RHBDD1: variants seen among roughly 807,000 people sequenced by gnomAD.
RHBDD1 encodes rhomboid domain containing 1, also known as rhomboid-related protein 4.
Under a neutral mutation model 36.3 loss-of-function variants are expected in RHBDD1, and 38 were observed. That is an observed-to-expected ratio of 1.05 (90% CI 0.81 to 1.37). RHBDD1 has a LOEUF of 1.37. RHBDD1 is among the 40% of genes most tolerant of loss of function. The pLI is 0.00. For missense variants in RHBDD1, 393 were observed against 377.6 expected (o/e 1.04, Z -0.34); for synonymous variants, 151 against 136.5 (o/e 1.11, Z -0.74).
chr2:226,814,767 T>C, the RHBDD1 span, among the ~76,000 whole-genome samples: 1 of 152,152 alleles, frequency 6.6e-6, no homozygotes. Context: ...TAGTGAGACA[T>C]CTAATCACTC....
chr2:226,844,675 C>T (rs1013068513), intron 3 of RHBDD1, among the ~76,000 whole-genome samples: 10 of 152,150 alleles, frequency 6.6e-5, no homozygotes, highest in African/African-American at 2.2e-4. Flanking sequence ...GATCATGGGA[C>T]GCTGGCATTG....
intron 8 of RHBDD1, among the ~76,000 whole-genome samples, chr2:226,976,836 C>G (rs1001412405): frequency 3.9e-5 from 6 of 152,192 alleles, no homozygotes; most frequent in African/African-American, 1.4e-4. Flanking sequence ...TCAGTGACCA[C>G]AATACTGCTC....
chr2:226,990,487 A>T (rs1346661288), intron 8 of RHBDD1, among the ~76,000 whole-genome samples: 1 of 152,200 alleles, frequency 6.6e-6, no homozygotes, highest in Admixed American at 6.5e-5. Flanking sequence ...ACTGCATGGC[A>T]TAGTGCGTTC....
rs1224269378 is a variant in RHBDD1 at position 226,874,731 on chromosome 2, A to G, written c.566+7413A>G. Among the ~76,000 whole-genome samples, 3 of 152,188 alleles carry G rather than the reference A, an allele frequency of 2.0e-5. No individual in the cohort carries two copies. In the East Asian group the frequency reaches 5.8e-4, roughly 29 times the overall value. On this transcript the variant is annotated intron_variant, in intron 5 of 8. Coordinates refer to ENST00000392062, the MANE Select transcript of RHBDD1 (RefSeq NM_001167608.3). ...TAATCACACTTGCTAAATCCTTGCC[A>G]TATATGGTTACATTCATCAGTTCCA...
intron 8 of RHBDD1, among the ~76,000 whole-genome samples, chr2:226,979,089 G>A (rs1367975186): frequency 1.3e-5 from 2 of 152,134 alleles, no homozygotes; most frequent in African/African-American, 2.4e-5. Context: ...AGCTATTCGT[G>A]TGGCTCATTC....
At chr2:226,896,522 C>T (rs1294761075) in intron 5 of RHBDD1, among the ~76,000 whole-genome samples, 1 of 152,164 alleles carries the variant, frequency 6.6e-6, no homozygotes, top group Admixed American at 6.5e-5. Context: ...TCCTTCCAAG[C>T]TGCCATCATC....
chr2:226,956,454 A>G lies in RHBDD1; in HGVS notation c.857-38977A>G, dbSNP rs75844525. Among the ~76,000 whole-genome samples, 1,190 of 152,200 alleles carry G rather than the reference A, an allele frequency of 7.8e-3. 8 individuals are homozygous for G. Among genetic ancestry groups the G allele is most frequent in the East Asian group, 0.018 (95 of 5,164 alleles). On this transcript the variant is annotated intron_variant, in intron 8 of 8. Transcript: ENST00000392062. ...TGCAAGCCTGGTGTTATCAGGTGTT[A>G]CCTATCATCACCAGTCCCCAAGTTC... is the stretch of plus-strand genomic sequence containing the variant.
At chr2:226,983,963 G>A (rs1464674855) in intron 8 of RHBDD1, among the ~76,000 whole-genome samples, 3 of 152,222 alleles carry the variant, frequency 2.0e-5, no homozygotes, top group Admixed American at 2.0e-4. Flanking sequence ...CTTGTTATTT[G>A]TGAATGGAGG....
chr2:226,909,513 G>A (rs941470119), intron 7 of RHBDD1, among the ~76,000 whole-genome samples: 1 of 152,126 alleles, frequency 6.6e-6, no homozygotes, highest in African/African-American at 2.4e-5. Context: ...TTAATGCAGT[G>A]AACTGAATGT....
At chr2:226,819,975 GTGTT>G in the RHBDD1 span, among the ~76,000 whole-genome samples, 3 of 81,936 alleles carry the variant, frequency 3.7e-5, no homozygotes, top group Admixed American at 1.6e-4. Flanking sequence ...CATATTGTGT[GTGTT>G]TTTTTTTTTT....
rs190867518 is a variant in RHBDD1 at position 226,905,037 on chromosome 2, A to G, written c.567-1756A>G. On this transcript the variant is annotated intron_variant, in intron 5 of 8. Transcript: ENST00000392062. Reference sequence around the variant, plus strand: ...TCCTGGGTGTTTGGAATACATATGTAAAAGCCACATAAAGGCTATGTTCTT... The same window carrying G: ...TCCTGGGTGTTTGGAATACATATGTGAAAGCCACATAAAGGCTATGTTCTT... Among the ~76,000 whole-genome samples the G allele has an allele frequency of 7.4e-4, 112 of 152,240 alleles. 1 individual carries two copies. The highest frequency in any genetic ancestry group is 2.5e-3 in the African/African-American group (104 of 41,548).
intron 8 of RHBDD1, among the ~76,000 whole-genome samples, chr2:226,930,345 A>G (rs544695607): frequency 1.1e-4 from 16 of 152,284 alleles, no homozygotes; most frequent in Admixed American, 3.9e-4. Context: ...GAACCCAGAA[A>G]TAAAGCCAAA....
At position 226,865,019 on chromosome 2, in the gene RHBDD1, C is replaced by T; in HGVS notation, c.326C>T (p.Thr109Ile). The T allele has an allele frequency of 6.2e-7, 1 of 1,614,198 alleles. No individual in the cohort carries two copies. Among genetic ancestry groups the T allele is most frequent in the Admixed American group, 1.7e-5 (1 of 60,032 alleles). Residue 109 changes from threonine (T) to isoleucine (I), a missense_variant, in exon 4 of 9, where the codon ACC (threonine) becomes ATC (isoleucine). Physicochemically the swap from Thr to Ile is moderately conservative, Grantham distance 89. Transcript: ENST00000392062. ...AGTAGATGGTTTGCCTATGTTATCA[C>T]CGCATTTTCTGTACTTACTGGAGTG... ...LGSRWFAYVI[T>I]AFSVLTGVVY...
Position 226,861,427 on chromosome 2 carries a change from A to G in RHBDD1, c.-90-3177A>G, listed in dbSNP as rs560846532. On this transcript the variant is annotated intron_variant, in intron 3 of 8. Coordinates refer to ENST00000392062, the MANE Select transcript of RHBDD1 (RefSeq NM_001167608.3). ...GCCAGAAGTAACTCAGGAAAGTGCA[A>G]TCAGAGCCTGGGACACAGTGTGAAG... 5.3e-5 allele frequency among the ~76,000 whole-genome samples: 8 copies of G among 152,298 alleles called. No homozygotes were observed. The East Asian group carries it at 1.2e-3, about 22-fold the overall frequency.
intron 8 of RHBDD1, among the ~76,000 whole-genome samples, chr2:226,930,341 A>G (rs1423260057): frequency 2.0e-5 from 3 of 152,150 alleles, no homozygotes; most frequent in African/African-American, 7.2e-5. Context: ...TAGAGAACCC[A>G]GAAATAAAGC....
chr2:226,843,908 C>T (rs1297866008), intron 3 of RHBDD1, among the ~76,000 whole-genome samples: 1 of 151,992 alleles, frequency 6.6e-6, no homozygotes, highest in Non-Finnish European at 1.5e-5. Context: ...TGGTCCTGGG[C>T]TTTTTTTGGT....
chr2:226,814,249 G>GTCT, the RHBDD1 span, among the ~76,000 whole-genome samples: 2 of 152,032 alleles, frequency 1.3e-5, no homozygotes, highest in African/African-American at 4.8e-5. Context: ...CAACACAACA[G>GTCT]TCTTTCCAAG....
At chr2:226,802,475 A>G in the RHBDD1 span, among the ~76,000 whole-genome samples, 1 of 152,234 alleles carries the variant, frequency 6.6e-6, no homozygotes, top group African/African-American at 2.4e-5. Context: ...CTAACTGGAA[A>G]TTCATTTACA....
intron 5 of RHBDD1, among the ~76,000 whole-genome samples, chr2:226,900,024 C>A (rs1947458027): frequency 6.6e-6 from 1 of 152,146 alleles, no homozygotes; most frequent in Admixed American, 6.5e-5. Flanking sequence ...GTCTGAAATT[C>A]TTGTTTGTGA....
Sources: allele counts gnomAD v4.1 joint callset (sites outside exome capture counted in the v4.1 genomes callset), GRCh38; gene constraint gnomAD v4.1.1; transcripts MANE v1.5; gene names NCBI Gene and HGNC (gene_info 2026-07-23, HGNC 2026-07-21).